The following EYA1 variants were observed in gnomAD, a reference collection of about 807,000 sequenced individuals.
EYA1 encodes EYA transcriptional coactivator and phosphatase 1, also known as protein phosphatase EYA1.
EYA1 carries 16 observed loss-of-function variants against 82.0 expected under a neutral mutation model. The ratio of observed to expected loss-of-function variants is 0.20; its 90% confidence interval spans 0.13 to 0.30. The LOEUF is 0.30. Ranked by LOEUF, EYA1 falls within the 10% of genes least tolerant of loss-of-function variation. The pLI, the probability that EYA1 is intolerant of heterozygous loss-of-function variation, is 1.00. For missense variants in EYA1, 633 were observed against 730.7 expected (o/e 0.87, Z 1.54); for synonymous variants, 261 against 264.4 (o/e 0.99, Z 0.12).
At chr8:71,438,008 A>C (rs1806132151) in intron 2 of EYA1, among the ~76,000 whole-genome samples, 1 of 152,144 alleles carries the variant, frequency 6.6e-6, no homozygotes, top group Non-Finnish European at 1.5e-5. Flanking sequence ...ATCTTGACAA[A>C]ACATCTATTC....
intron 2 of EYA1, among the ~76,000 whole-genome samples, chr8:71,460,773 CTGTTTCTGTA>C (rs1432245481): frequency 1.3e-5 from 2 of 152,150 alleles, no homozygotes; most frequent in Non-Finnish European, 1.5e-5. Flanking sequence ...CCAGAAGAAA[CTGTTTCTGTA>C]GATATGGGAG....
chr8:71,446,932 A>C (rs1475922113), intron 2 of EYA1, among the ~76,000 whole-genome samples: 1 of 152,122 alleles, frequency 6.6e-6, no homozygotes, highest in Admixed American at 6.5e-5. Flanking sequence ...GCTTATCTTA[A>C]AGTAGCAGCT....
At chr8:71,393,084 T>C (rs1479872531) in intron 2 of EYA1, among the ~76,000 whole-genome samples, 1 of 152,160 alleles carries the variant, frequency 6.6e-6, no homozygotes, top group East Asian at 1.9e-4. Flanking sequence ...AGCTAAGATA[T>C]AAAACTATGT....
intron 2 of EYA1, chr8:71,471,073 AATGTTATATTTGGTGGTCCTGTTTC>A (rs1809165804): frequency 2.8e-6 from 1 of 356,438 alleles, no homozygotes; most frequent in African/African-American, 2.2e-5. Flanking sequence ...TGTGGTACAA[AATGTTATATTTGGTGGTCCTGTTTC>A]AAGCCCCAGA....
chr8:71,455,717 T>C (rs1027973926), intron 2 of EYA1, among the ~76,000 whole-genome samples: 1 of 152,200 alleles, frequency 6.6e-6, no homozygotes, highest in African/African-American at 2.4e-5. Flanking sequence ...GCCTTCCTGC[T>C]AAAAACTCTC....
intron 6 of EYA1, among the ~76,000 whole-genome samples, chr8:71,321,419 CA>C (rs1822529753): frequency 6.6e-6 from 1 of 152,158 alleles, no homozygotes; most frequent in Non-Finnish European, 1.5e-5. Context: ...CGTTTTATCA[CA>C]AATATGCACA....
intron 7 of EYA1, among the ~76,000 whole-genome samples, chr8:71,306,546 G>A (rs1820759991): frequency 6.6e-6 from 1 of 152,078 alleles, no homozygotes; most frequent in Non-Finnish European, 1.5e-5. Context: ...GGGTGCTCAG[G>A]AGAATATTAT....
chr8:71,355,019 G>T, intron 2 of EYA1, 110 bp from the exon 3 acceptor site: 1 of 1,098,500 alleles, frequency 9.1e-7, no homozygotes, highest in Non-Finnish European at 1.4e-6. Flanking sequence ...AAGTCCCATT[G>T]TATCTATTTC....
intron 3 of EYA1, among the ~76,000 whole-genome samples, chr8:71,339,336 T>C (rs1824856709): frequency 1.3e-5 from 2 of 152,176 alleles, no homozygotes; most frequent in South Asian, 4.1e-4. Flanking sequence ...CTCTCATTGT[T>C]CACTGTTCTG....
intron 2 of EYA1, among the ~76,000 whole-genome samples, chr8:71,497,885 A>G (rs1049185126): frequency 1.3e-5 from 2 of 152,264 alleles, no homozygotes; most frequent in Non-Finnish European, 2.9e-5. Flanking sequence ...AGCCATAAAA[A>G]GGAAATCCTG....
chr8:71,525,951 G>T (rs1011905275), intron 2 of EYA1, among the ~76,000 whole-genome samples: 1 of 152,202 alleles, frequency 6.6e-6, no homozygotes, highest in Non-Finnish European at 1.5e-5. Flanking sequence ...GACAGAGGGA[G>T]TGTGGTTGTT....
At chr8:71,488,128 T>C (rs1810707583) in intron 2 of EYA1, among the ~76,000 whole-genome samples, 1 of 152,120 alleles carries the variant, frequency 6.6e-6, no homozygotes, top group Non-Finnish European at 1.5e-5. Flanking sequence ...TGTGATAGAA[T>C]ACTGCATAGC....
intron 2 of EYA1, among the ~76,000 whole-genome samples, chr8:71,482,650 A>G (rs1157049234): frequency 6.6e-6 from 1 of 152,250 alleles, no homozygotes; most frequent in African/African-American, 2.4e-5. Flanking sequence ...GTTCAGCAAC[A>G]GTAAAGAAAT....
At position 71,523,143 on chromosome 8, in the gene EYA1, A is replaced by G. The variant is rs991747144; in HGVS notation, c.33+12601T>C. On this transcript the variant is annotated intron_variant, in intron 2 of 18. Coordinates refer to the EYA1 transcript ENST00000643681. ...CCTGGTCTTCCAAAGTAATATAAAA[A>G]TCTATTCAGCTCTTTTTCTTTTCTT... Among the ~76,000 whole-genome samples, 7 of 148,806 alleles carry G rather than the reference A, an allele frequency of 4.7e-5. No homozygotes were observed. In the Admixed American group the frequency reaches 4.7e-4, roughly 10 times the overall value.
At chr8:71,225,341 C>G (rs531633104) in intron 12 of EYA1, 113 of 456,058 alleles carry the variant, frequency 2.5e-4, no homozygotes, top group African/African-American at 2.1e-3. Flanking sequence ...TGTAGCCTCT[C>G]CACACTGGCA....
At chr8:71,321,987 T>A in intron 5 of EYA1, 108 bp from the exon 6 acceptor site, 1 of 1,464,308 alleles carries the variant, frequency 6.8e-7, no homozygotes, top group Non-Finnish European at 9.5e-7. Flanking sequence ...TATCTTAAAG[T>A]AAAACTTTCA....
chr8:71,310,445 G>A (rs573333614), intron 7 of EYA1, among the ~76,000 whole-genome samples: 25 of 152,254 alleles, frequency 1.6e-4, no homozygotes, highest in African/African-American at 5.5e-4. Context: ...CCCAGTGTGT[G>A]TTGTTCCCCT....
intron 2 of EYA1, chr8:71,404,583 A>AT (rs1412042258): frequency 6.6e-6 from 1 of 152,208 alleles, no homozygotes; most frequent in African/African-American, 2.4e-5. Flanking sequence ...CATCTGATAG[A>AT]TTGTGAAGTA....
At position 71,418,541 on chromosome 8, in the gene EYA1, C is replaced by T. The variant is rs143933668; in HGVS notation, c.34-62030G>A. Among the ~76,000 whole-genome samples, 8 of 152,266 alleles carry T rather than the reference C, an allele frequency of 5.3e-5. 1 individual carries two copies. In the East Asian group the frequency reaches 1.5e-3, roughly 29 times the overall value. On this transcript the variant is annotated intron_variant, in intron 2 of 18. Coordinates refer to the EYA1 transcript ENST00000643681. ...AAACTGGTCTTAATTTACCTTTCCA[C>T]CTCATCCTCTACACCCTTCCACACA... is the stretch of plus-strand genomic sequence containing the variant.
Sources: allele counts gnomAD v4.1 joint callset (sites outside exome capture counted in the v4.1 genomes callset), GRCh38; gene constraint gnomAD v4.1.1; transcripts MANE v1.5; gene names NCBI Gene and HGNC (gene_info 2026-07-23, HGNC 2026-07-21).